Variants in NMUR1 observed in about 807,000 individuals in gnomAD.
The protein encoded by NMUR1 is neuromedin-U receptor 1.
NMUR1 carries 16 observed loss-of-function variants against 18.8 expected under a neutral mutation model. The observed-to-expected ratio is 0.85, with a 90% CI of 0.58 to 1.29. The LOEUF (loss-of-function observed/expected upper bound fraction) is 1.29, where lower values mean the gene tolerates loss of function less well. Among genes scored for constraint, NMUR1 ranks in the 50% most tolerant of loss-of-function variants. The pLI, the probability that NMUR1 is intolerant of heterozygous loss-of-function variation, is 0.00. For missense variants in NMUR1, 529 were observed against 580.3 expected (o/e 0.91, Z 0.91); for synonymous variants, 258 against 258.2 (o/e 1.00, Z 0.01).
chr2:231,528,992 A>G lies in NMUR1; in HGVS notation c.29T>C (p.Val10Ala). 6.2e-7 allele frequency: 1 copy of G among 1,610,912 alleles called. No individual in the cohort carries two copies. ...CCCTGGGTACAGGTCTCCAGGGAGG[A>G]CAGAGCAATTGAGGCAGAGAGGAGT... MTPLCLNCSVLPGDLYPGGA... is the reference protein window; with the variant it reads MTPLCLNCSALPGDLYPGGA... The change falls in exon 2 of 3, where the codon GTC (valine) becomes GCC (alanine). Residue 10 changes from valine (V) to alanine (A), a missense_variant. By Grantham distance (64) the Val-to-Ala change is moderately conservative (BLOSUM62 0). Transcript: ENST00000305141.
At chr2:231,523,172 T>C, downstream of NMUR1, 1 of 347,164 alleles carries the variant, frequency 2.9e-6, no homozygotes, top group Non-Finnish European at 5.3e-6. Flanking sequence ...GGAGGAAACA[T>C]GCCACTGTTA....
rs766593907 is a variant in NMUR1, at chr2:231,528,849, C to G, written c.172G>C (p.Glu58Gln). The G allele has an allele frequency of 3.1e-6, 5 of 1,614,246 alleles. No individual in the cohort carries two copies. The highest frequency in any genetic ancestry group is 4.2e-6 in the Non-Finnish European group (5 of 1,180,044). Residue 58 changes from glutamate (E) to glutamine (Q), a missense_variant, in exon 2 of 3, where the codon GAG becomes CAG. Physicochemically the swap from Glu to Gln is conservative, Grantham distance 29. Transcript: ENST00000305141. ...RLKYLGPQQTELFMPICATYL... is the reference protein window; with the variant it reads ...RLKYLGPQQTQLFMPICATYL... ...GTGGCACAGATGGGCATGAACAGCT[C>G]TGTCTGCTGGGGCCCCAGGTACTTG...
rs1330693842 is a variant in NMUR1, at chr2:231,524,390, T to C, written c.*653A>G. Reference sequence around the variant, plus strand: ...CAACATGGTGAAACCCCGTCTCTACTAAAAATTAAAAAAAATTAGCTGGGC... The same window carrying C: ...CAACATGGTGAAACCCCGTCTCTACCAAAAATTAAAAAAAATTAGCTGGGC... On this transcript the variant is annotated 3_prime_UTR_variant, in exon 3 of 3. Transcript: ENST00000305141. The C allele has an allele frequency of 6.6e-6, 1 of 152,064 alleles. No homozygotes were observed. The highest frequency in any genetic ancestry group is 2.4e-5 in the African/African-American group (1 of 41,396). The allele number at this position is 152,064 out of a possible 1,614,324, so 9.4% of individuals were successfully genotyped here.
chr2:231,518,981 C>T (rs1218912018), downstream of NMUR1, among the ~76,000 whole-genome samples: 3 of 152,218 alleles, frequency 2.0e-5, no homozygotes, highest in Admixed American at 6.5e-5. Context: ...TCCTGGAAGC[C>T]TTCCCTCGGC....
downstream of NMUR1, among the ~76,000 whole-genome samples, chr2:231,521,971 C>CT (rs2047308135): frequency 2.6e-5 from 2 of 75,530 alleles, no homozygotes; most frequent in Non-Finnish European, 5.7e-5. Flanking sequence ...CTTTTTTTTT[C>CT]TCTTTTTTTT....
rs1289119183 is a variant in NMUR1, at chr2:231,530,358, C to A, written c.3+1G>T. 4 of 1,489,548 alleles carry A rather than the reference C, an allele frequency of 2.7e-6. No individual in the cohort carries two copies. The highest frequency in any genetic ancestry group is 2.1e-4 in the Middle Eastern group (1 of 4,818). The allele number at this position is 1,489,548 out of a possible 1,614,324, so 92.3% of individuals were successfully genotyped here. On this transcript the variant is annotated splice_donor_variant, in intron 1 of 2. Coordinates refer to ENST00000305141, the MANE Select transcript of NMUR1 (RefSeq NM_006056.5). LOFTEE classifies it high-confidence loss of function. ...GCCCACGCCGGCGCCTGCGCACCTA[C>A]CATGCGGCCCGCGGCCCGCGAGACC...
intron 2 of NMUR1, among the ~76,000 whole-genome samples, 181 bp downstream of exon 2, chr2:231,527,942 A>G (rs1049905230): frequency 3.3e-5 from 5 of 151,646 alleles, no homozygotes; most frequent in African/African-American, 1.2e-4. Context: ...CTAGTAGGGT[A>G]ATCTAAAAGA....
rs375241123 is a variant in NMUR1, at chr2:231,525,233, C to T, written c.1091G>A (p.Arg364Gln). The change falls in exon 3 of 3, where the codon CGA becomes CAA. Residue 364 changes from arginine (R) to glutamine (Q), a missense_variant. Physicochemically the swap from Arg to Gln is conservative, Grantham distance 43 (BLOSUM62 1). Coordinates refer to ENST00000305141, the MANE Select transcript of NMUR1 (RefSeq NM_006056.5). ...GCACAGGGCCTCCTGGAAGGTCTCTCGGAAGCGGCTGGACATGAGGCTATA... is the reference window on the plus strand; with the variant it reads ...GCACAGGGCCTCCTGGAAGGTCTCTTGGAAGCGGCTGGACATGAGGCTATA... ...VLYSLMSSRF[R>Q]ETFQEALCLG... The T allele has an allele frequency of 1.5e-5, 24 of 1,614,130 alleles. No individual in the cohort carries two copies. Among genetic ancestry groups the T allele is most frequent in the African/African-American group, 9.3e-5 (7 of 75,036 alleles).
chr2:231,528,157 G>A lies in NMUR1; in HGVS notation c.864C>T (p.His288=), dbSNP rs200462040. 450 of 1,566,092 alleles carry A rather than the reference G, an allele frequency of 2.9e-4. 2 individuals are homozygous for A. In the Admixed American group the frequency reaches 6.9e-3, roughly 24 times the overall value. Reference sequence around the variant, plus strand: ...TGGTCACTTGTCTCCGGCCCCGATCGTGCTGCTGGAGCCTGCAGGTGTATC... The same window carrying A: ...TGGTCACTTGTCTCCGGCCCCGATCATGCTGCTGGAGCCTGCAGGTGTATC... ...RSRYTCRLQQ[H]DRGRRQVTKM... The change falls in exon 2 of 3, where the codon CAC becomes CAT. Residue 288 remains histidine, a synonymous_variant. Coordinates refer to ENST00000305141, the MANE Select transcript of NMUR1 (RefSeq NM_006056.5).
At chr2:231,525,911 GACACACACACGCATGCAC>G (rs752049567) in intron 2 of NMUR1, among the ~76,000 whole-genome samples, 1 of 151,966 alleles carries the variant, frequency 6.6e-6, no homozygotes, top group Non-Finnish European at 1.5e-5. Context: ...GGGAGAGTGA[GACACACACACGCATGCAC>G]ACACACACAC....
Position 231,528,550 on chromosome 2 carries a change from C to T in NMUR1, c.471G>A (p.Val157=). 1 of 1,614,026 alleles carries T rather than the reference C, an allele frequency of 6.2e-7. No individual in the cohort carries two copies. The highest frequency in any genetic ancestry group is 1.3e-5 in the African/African-American group (1 of 75,074). The change falls in exon 2 of 3, where the codon GTG becomes GTA. Residue 157 remains valine (V), a synonymous_variant. Transcript: ENST00000305141. Reference sequence around the variant, plus strand: ...GGTGCACCACGGCCACATAGCGTTCCACGCTCAGGGCAGTGACGTTGAGCA... The same window carrying T: ...GGTGCACCACGGCCACATAGCGTTCTACGCTCAGGGCAGTGACGTTGAGCA... ...ASVLNVTALS[V]ERYVAVVHPL... is the part of the protein sequence containing the mutation.
chr2:231,520,664 C>G (rs1868456), downstream of NMUR1, among the ~76,000 whole-genome samples: 43,249 of 152,076 alleles, frequency 0.28, 6,715 homozygotes, highest in East Asian at 0.5. Flanking sequence ...AAATTTGGAA[C>G]AAGAACCTGA....
In NMUR1 at chr2:231,528,980, T is replaced by C. The variant is rs1450617800; in HGVS notation, c.41A>G (p.Asp14Gly). 5.0e-6 allele frequency: 8 copies of C among 1,612,766 alleles called. No homozygotes were observed. The highest frequency in any genetic ancestry group is 1.3e-5 in the African/African-American group (1 of 74,762). Residue 14 changes from aspartate to glycine, a missense_variant, in exon 2 of 3, where the codon GAC becomes GGC. Transcript: ENST00000305141. ...LCLNCSVLPG[D>G]LYPGGARNPM... The stretch of plus-strand genomic sequence containing the variant: ...GTTCCTTGCACCCCCTGGGTACAGG[T>C]CTCCAGGGAGGACAGAGCAATTGAG...
At chr2:231,525,921 C>T (rs1038398187) in intron 2 of NMUR1, among the ~76,000 whole-genome samples, 26 of 151,856 alleles carry the variant, frequency 1.7e-4, no homozygotes, top group African/African-American at 6.0e-4. Context: ...GACACACACA[C>T]GCATGCACAC....
rs933559061 is a variant in NMUR1, at chr2:231,530,404, G to T, written c.-43C>A. The T allele has an allele frequency of 1.4e-5, 21 of 1,471,606 alleles. No individual in the cohort carries two copies. Among genetic ancestry groups the T allele is most frequent in the Admixed American group, 2.4e-5 (1 of 41,926 alleles). The allele number at this position is 1,471,606 out of a possible 1,614,324, so 91.2% of individuals were successfully genotyped here. A position where few individuals can be genotyped will look rare whatever the true frequency, so the allele number is the denominator to read the frequency against. On this transcript the variant is annotated 5_prime_UTR_variant, in exon 1 of 3. Transcript: ENST00000305141. ...AGACCCCGGCTTCCACCCTCCGAGC[G>T]ACGGACACAGACGCGGCGCGGGAGC...
At position 231,530,373 on chromosome 2, in the gene NMUR1, C is replaced by T. The variant is rs897995494; in HGVS notation, c.-12G>A. ...TGCGCACCTACCATGCGGCCCGCGG[C>T]CCGCGAGACCCCGGCTTCCACCCTC... is the stretch of plus-strand genomic sequence containing the variant. On this transcript the variant is annotated 5_prime_UTR_variant, in exon 1 of 3. Transcript: ENST00000305141. 22 of 1,486,586 alleles carry T rather than the reference C, an allele frequency of 1.5e-5. No individual in the cohort carries two copies. The highest frequency in any genetic ancestry group is 6.7e-5 in the Admixed American group (3 of 44,810). The allele number at this position is 1,486,586 out of a possible 1,614,324, so 92.1% of individuals were successfully genotyped here. A position where few individuals can be genotyped will look rare whatever the true frequency, so the allele number is the denominator to read the frequency against.
intron 2 of NMUR1, among the ~76,000 whole-genome samples, chr2:231,526,611 C>T (rs1247187990): frequency 1.3e-5 from 2 of 152,180 alleles, no homozygotes; most frequent in Non-Finnish European, 2.9e-5. Flanking sequence ...CTGGGGTCAG[C>T]CTCGTTTCAG....
intron 1 of NMUR1, 133 bp from the exon 2 acceptor site, chr2:231,529,150 TC>T: frequency 3.4e-6 from 3 of 878,174 alleles, no homozygotes; most frequent in Non-Finnish European, 5.1e-6. Context: ...AAGAAAAAAC[TC>T]TTCCATCCAC....
chr2:231,528,261 T>G lies in NMUR1; in HGVS notation c.760A>C (p.Ile254Leu). Residue 254 changes from isoleucine (I) to leucine (L), a missense_variant, in exon 2 of 3, where the codon ATT (isoleucine) becomes CTT (leucine). Transcript: ENST00000305141. ...CTCTCCCGCCGCAGTCGCAGCCCAA[T>G]GAGCAGGTAGAGCACGCTCATGATG... ...MAIMSVLYLLIGLRLRRERLL... is the reference protein window; with the variant it reads ...MAIMSVLYLLLGLRLRRERLL... 2 of 1,613,990 alleles carry G rather than the reference T, an allele frequency of 1.2e-6. No homozygotes were observed. Among genetic ancestry groups the G allele is most frequent in the Non-Finnish European group, 1.7e-6 (2 of 1,179,982 alleles).
Sources: gnomAD v4.1 joint callset for allele counts (sites outside exome capture counted in the v4.1 genomes callset) on GRCh38, gnomAD v4.1.1 for gene constraint, MANE v1.5 for transcripts, NCBI Gene and HGNC (gene_info 2026-07-23, HGNC 2026-07-21) for gene names.